XNDC1N: variants seen among roughly 807,000 people sequenced by gnomAD.
The protein encoded by XNDC1N is protein XNDC1N.
chr11:71,916,504 CT>C, the XNDC1N span: 1 of 459,980 alleles, frequency 2.2e-6, no homozygotes, highest in South Asian at 3.0e-5. Context: ...CCACACTATT[CT>C]CAGCATGAAT....
chr11:71,899,103 T>C, the XNDC1N span, among the ~76,000 whole-genome samples: 5 of 152,102 alleles, frequency 3.3e-5, no homozygotes, highest in Admixed American at 6.5e-5. Context: ...TCCTTAGAGG[T>C]TGGGGAACTT....
the XNDC1N span, among the ~76,000 whole-genome samples, chr11:71,919,948 T>C: frequency 1.1e-5 from 1 of 87,036 alleles, no homozygotes; most frequent in East Asian, 3.1e-4. Flanking sequence ...TTTTTTTTTT[T>C]TTTTTTTTTT....
At chr11:71,913,490 CTCTACTA>C in the XNDC1N span, among the ~76,000 whole-genome samples, 1 of 151,914 alleles carries the variant, frequency 6.6e-6, no homozygotes, top group Non-Finnish European at 1.5e-5. Context: ...AAAACCCCAT[CTCTACTA>C]CTAATACAAA....
At chr11:71,898,007 AC>A in the XNDC1N span, among the ~76,000 whole-genome samples, 1 of 152,206 alleles carries the variant, frequency 6.6e-6, no homozygotes, top group East Asian at 1.9e-4. Flanking sequence ...TCTTGGTGAA[AC>A]CCTGTCTCTA....
the XNDC1N span, chr11:71,903,236 G>A: frequency 4.8e-5 from 44 of 926,166 alleles, no homozygotes; most frequent in Non-Finnish European, 7.0e-5. Flanking sequence ...CCTTCTCCTC[G>A]AACTCTCAGA....
the XNDC1N span, among the ~76,000 whole-genome samples, chr11:71,912,282 A>G: frequency 1.3e-5 from 2 of 152,056 alleles, no homozygotes; most frequent in Non-Finnish European, 2.9e-5. Flanking sequence ...GGTAAAAAGT[A>G]TGTACTAGTT....
At chr11:71,885,008 T>A in the XNDC1N span, among the ~76,000 whole-genome samples, 1 of 151,904 alleles carries the variant, frequency 6.6e-6, no homozygotes, top group South Asian at 2.1e-4. Context: ...GTTTTTAGGA[T>A]CCGCGGTGGA....
the XNDC1N span, among the ~76,000 whole-genome samples, chr11:71,873,572 G>A: frequency 6.6e-6 from 1 of 152,134 alleles, no homozygotes; most frequent in Admixed American, 6.6e-5. Flanking sequence ...TGAAATAGGG[G>A]GACAGAGTTT....
chr11:71,911,286 C>T, the XNDC1N span, among the ~76,000 whole-genome samples: 2 of 152,198 alleles, frequency 1.3e-5, no homozygotes, highest in Non-Finnish European at 2.9e-5. Flanking sequence ...TGAAAATCCC[C>T]GTATAACCAT....
the XNDC1N span, among the ~76,000 whole-genome samples, chr11:71,907,656 C>A: frequency 6.6e-6 from 1 of 152,046 alleles, no homozygotes; most frequent in African/African-American, 2.4e-5. Flanking sequence ...TATTTCTACT[C>A]CCTGGGATAC....
chr11:71,894,526 T>A, the XNDC1N span: 1 of 156,138 alleles, frequency 6.4e-6, no homozygotes, highest in African/African-American at 2.4e-5. Context: ...CCTTTCCGCA[T>A]TTCCTTTGTG....
chr11:71,926,288 A>G, the XNDC1N span, among the ~76,000 whole-genome samples: 1 of 152,084 alleles, frequency 6.6e-6, no homozygotes, highest in African/African-American at 2.4e-5. Flanking sequence ...AAATACATAA[A>G]TAAATAAACA....
the XNDC1N span, among the ~76,000 whole-genome samples, chr11:71,891,984 C>A: frequency 6.6e-6 from 1 of 151,890 alleles, no homozygotes; most frequent in Middle Eastern, 3.4e-3. Flanking sequence ...AGGTGGTACA[C>A]CCCCAGTGAT....
chr11:71,908,289 G>A, the XNDC1N span, among the ~76,000 whole-genome samples: 11 of 151,624 alleles, frequency 7.3e-5, no homozygotes, highest in African/African-American at 9.7e-5. Flanking sequence ...TAATGAATAA[G>A]ATCAATATCA....
chr11:71,910,890 G>A, the XNDC1N span, among the ~76,000 whole-genome samples: 23 of 152,320 alleles, frequency 1.5e-4, no homozygotes, highest in East Asian at 2.5e-3. Flanking sequence ...TTTGGAATGC[G>A]GATCCCAACA....
the XNDC1N span, among the ~76,000 whole-genome samples, chr11:71,924,700 A>C: frequency 6.6e-6 from 1 of 152,162 alleles, no homozygotes; most frequent in African/African-American, 2.4e-5. Flanking sequence ...AAAACAAAAA[A>C]AAAAGTTCAC....
chr11:71,873,239 A>C, the XNDC1N span, among the ~76,000 whole-genome samples: 2 of 152,048 alleles, frequency 1.3e-5, no homozygotes, highest in East Asian at 3.8e-4. Flanking sequence ...ATTCTAGTAA[A>C]TGTCTTGAAA....
chr11:71,866,051 C>A, the XNDC1N span, among the ~76,000 whole-genome samples: 1 of 152,084 alleles, frequency 6.6e-6, no homozygotes, highest in African/African-American at 2.4e-5. Context: ...AGAAAGACAG[C>A]TTCACGTATA....
the XNDC1N span, chr11:71,903,638 T>TG: frequency 3.9e-6 from 2 of 511,764 alleles, no homozygotes; most frequent in East Asian, 7.1e-5. Context: ...TTGTTGTCCT[T>TG]GTTTTTTTTT....
Sources: allele counts gnomAD v4.1 joint callset (sites outside exome capture counted in the v4.1 genomes callset), GRCh38; gene constraint gnomAD v4.1.1; transcripts MANE v1.5; gene names NCBI Gene and HGNC (gene_info 2026-07-23, HGNC 2026-07-21).